The following RALY variants were observed in gnomAD, a reference collection of about 807,000 sequenced individuals.
RALY encodes the protein RALY heterogeneous nuclear ribonucleoprotein.
In RALY, 15 loss-of-function variants were observed where a neutral mutation model predicts 30.7. The ratio of observed to expected loss-of-function variants is 0.49; its 90% confidence interval spans 0.33 to 0.75. RALY has a LOEUF of 0.75. RALY is among the 30% of genes least tolerant of loss of function. The pLI, the probability that RALY is intolerant of heterozygous loss-of-function variation, is 0.02. For synonymous variants in RALY, 177 were observed against 170.8 expected (o/e 1.04, Z -0.28); for missense variants, 339 against 414.3 (o/e 0.82, Z 1.58).
At chr20:33,995,447 A>T (rs552701822) in intron 1 of RALY, among the ~76,000 whole-genome samples, 30 of 152,358 alleles carry the variant, frequency 2.0e-4, no homozygotes, top group South Asian at 8.3e-4. Context: ...ATCTGCCTTC[A>T]AACAAATATT....
At chr20:34,037,466 CT>C (rs1462044040) in intron 2 of RALY, among the ~76,000 whole-genome samples, 3 of 152,166 alleles carry the variant, frequency 2.0e-5, no homozygotes, top group African/African-American at 7.2e-5. Context: ...CTGAACACCT[CT>C]TTTGCCTGTT....
intron 8 of RALY, 143 bp downstream of exon 8, chr20:34,077,388 A>G (rs1280735253): frequency 6.6e-7 from 1 of 1,515,616 alleles, no homozygotes; most frequent in Admixed American, 2.1e-5. Flanking sequence ...GTCCTGGGGG[A>G]AAGAGGGAAG....
At position 34,083,943 on chromosome 20, in the gene RALY, TCCATAACA is replaced by T. The variant is rs2034066799; in HGVS notation, c.*4039_*4046del. On this transcript the variant is annotated 3_prime_UTR_variant, in exon 10 of 10. Coordinates refer to ENST00000246194, the MANE Select transcript of RALY (RefSeq NM_016732.3). ...GCCAGATTCTTCATAATAAACTTCC[TCCATAACA>T]GTAAACCATTTCCTGAACACCTGCT... is the stretch of plus-strand genomic sequence containing the variant. 6.6e-6 allele frequency: 1 copy of T among 152,236 alleles called. No homozygotes were observed. The highest frequency in any genetic ancestry group is 2.4e-5 in the African/African-American group (1 of 41,456). The allele number at this position is 152,236 out of a possible 1,614,324, so 9.4% of individuals were successfully genotyped here. A position where few individuals can be genotyped will look rare whatever the true frequency, so the allele number is the denominator to read the frequency against.
intron 1 of RALY, among the ~76,000 whole-genome samples, chr20:34,012,681 AT>A (rs1269492046): frequency 1.3e-5 from 2 of 152,184 alleles, no homozygotes; most frequent in African/African-American, 4.8e-5. Context: ...GAGACTAGAC[AT>A]CTTGAAACTG....
At chr20:34,064,794 C>T (rs2033521446) in intron 2 of RALY, among the ~76,000 whole-genome samples, 1 of 152,182 alleles carries the variant, frequency 6.6e-6, no homozygotes, top group Admixed American at 6.5e-5. Flanking sequence ...CTGCTAGTCC[C>T]ACCCATTATA....
chr20:34,006,377 C>T (rs1233826428), intron 1 of RALY, among the ~76,000 whole-genome samples: 1 of 152,308 alleles, frequency 6.6e-6, no homozygotes, highest in East Asian at 1.9e-4. Context: ...CCATTACCAT[C>T]TTTATAAAGT....
chr20:34,053,077 C>T (rs1489084934), intron 2 of RALY, among the ~76,000 whole-genome samples: 2 of 151,562 alleles, frequency 1.3e-5, no homozygotes, highest in East Asian at 3.9e-4. Context: ...CCAGGCTGAT[C>T]TCGAACTCCT....
At chr20:34,060,770 A>G (rs1601489867) in intron 2 of RALY, among the ~76,000 whole-genome samples, 1 of 152,334 alleles carries the variant, frequency 6.6e-6, no homozygotes, top group African/African-American at 2.4e-5. Context: ...CTCTCTGTAT[A>G]CTGTGTCATA....
At chr20:34,022,167 T>G (rs1336259374) in intron 1 of RALY, among the ~76,000 whole-genome samples, 3 of 151,340 alleles carry the variant, frequency 2.0e-5, no homozygotes, top group Admixed American at 6.6e-5. Context: ...TGGGCTCAGG[T>G]GGTCTCCTGT....
Position 34,072,244 on chromosome 20 carries a change from A to T in RALY, c.170A>T (p.Tyr57Phe). The part of the protein sequence containing the change: ...RVAGCSVHKG[Y>F]AFVQYSNERH... ...GCCGGCTGTTCTGTGCACAAGGGCT[A>T]TGCCTTTGTTCAGTACTCCAATGAG... The change falls in exon 3 of 10, where the codon TAT (tyrosine) becomes TTT (phenylalanine). Residue 57 changes from tyrosine to phenylalanine, a missense_variant. Tyr to Phe is a conservative substitution (Grantham distance 22). This residue lies in a region of RALY where 71 missense variants were observed against 133.7 expected (regional missense o/e 0.53). Coordinates refer to ENST00000246194, the MANE Select transcript of RALY (RefSeq NM_016732.3). The T allele has an allele frequency of 6.2e-7, 1 of 1,614,222 alleles. No homozygotes were observed. The highest frequency in any genetic ancestry group is 8.5e-7 in the Non-Finnish European group (1 of 1,180,038).
At chr20:34,015,780 T>G (rs1414742108) in intron 1 of RALY, among the ~76,000 whole-genome samples, 2 of 152,050 alleles carry the variant, frequency 1.3e-5, no homozygotes, top group African/African-American at 4.8e-5. Context: ...TACAGGTGTA[T>G]AGGCCACACA....
At chr20:34,057,094 A>G (rs953162612) in intron 2 of RALY, among the ~76,000 whole-genome samples, 1 of 152,270 alleles carries the variant, frequency 6.6e-6, no homozygotes, top group Non-Finnish European at 1.5e-5. Context: ...AATGATGCTT[A>G]CCGAAAACTA....
intron 1 of RALY, among the ~76,000 whole-genome samples, chr20:33,997,305 G>T (rs71349747): frequency 1.8e-4 from 28 of 152,126 alleles, no homozygotes; most frequent in Non-Finnish European, 3.8e-4. Flanking sequence ...AGTACAGATA[G>T]GGTTTCACCA....
chr20:34,010,404 T>G (rs1000196275), intron 1 of RALY, among the ~76,000 whole-genome samples: 4 of 152,142 alleles, frequency 2.6e-5, no homozygotes, highest in African/African-American at 9.7e-5. Flanking sequence ...GTTTTTATTT[T>G]TTTATTTTGT....
At chr20:34,040,987 C>A (rs1371023435) in intron 2 of RALY, among the ~76,000 whole-genome samples, 2 of 152,162 alleles carry the variant, frequency 1.3e-5, no homozygotes, top group Non-Finnish European at 2.9e-5. Context: ...GTCTTCCATG[C>A]CTTCAGTGTA....
At chr20:34,053,591 C>G (rs1024713748) in intron 2 of RALY, among the ~76,000 whole-genome samples, 7 of 151,670 alleles carry the variant, frequency 4.6e-5, no homozygotes, top group Middle Eastern at 6.8e-3. Flanking sequence ...GAGACAGGCT[C>G]CCACTATATT....
intron 5 of RALY, among the ~76,000 whole-genome samples, chr20:34,075,533 C>G (rs2033850098): frequency 6.6e-6 from 1 of 151,794 alleles, no homozygotes. Flanking sequence ...GGCAGTTGAC[C>G]AAGCAGAAGC....
chr20:34,039,124 C>T (rs2032605251), intron 2 of RALY, among the ~76,000 whole-genome samples: 1 of 152,206 alleles, frequency 6.6e-6, no homozygotes, highest in Non-Finnish European at 1.5e-5. Context: ...AAAGAGTCAA[C>T]AGGGACCTAA....
chr20:34,020,201 G>A (rs1193865455), intron 1 of RALY, among the ~76,000 whole-genome samples: 2 of 152,246 alleles, frequency 1.3e-5, no homozygotes. Flanking sequence ...ACATGTAAGT[G>A]GAGGATGTGC....
Sources: gnomAD v4.1 joint callset for allele counts (sites outside exome capture counted in the v4.1 genomes callset) on GRCh38, gnomAD v4.1.1 for gene constraint, gnomAD v4.1.1 regional missense constraint, MANE v1.5 for transcripts, NCBI Gene and HGNC (gene_info 2026-07-23, HGNC 2026-07-21) for gene names.